Variants in PUDP observed in about 807,000 individuals in gnomAD.
PUDP encodes the protein pseudouridine 5'-phosphatase.
PUDP carries 8 observed loss-of-function variants against 9.4 expected under a neutral mutation model. The observed-to-expected ratio is 0.85, with a 90% CI of 0.50 to 1.53. The LOEUF (loss-of-function observed/expected upper bound fraction) is 1.53. Ranked by LOEUF, PUDP falls within the 40% of genes most tolerant of loss-of-function variation. The pLI, the probability that PUDP is intolerant of heterozygous loss-of-function variation, is 0.00. For synonymous variants in PUDP, 99 were observed against 80.7 expected (o/e 1.23, Z -1.22); for missense variants, 188 against 189.7 (o/e 0.99, Z 0.05).
intron 1 of PUDP, among the ~76,000 whole-genome samples, chrX:6,987,687 A>G (rs1015737160): frequency 4.1e-4 from 46 of 112,306 alleles, no homozygotes; most frequent in Admixed American, 2.9e-3. Flanking sequence ...CATTCATGAC[A>G]TACTGTCCAC....
intron 1 of PUDP, among the ~76,000 whole-genome samples, chrX:6,709,299 G>A (rs957014709): frequency 3.6e-5 from 4 of 111,442 alleles, no homozygotes; most frequent in African/African-American, 1.3e-4. Flanking sequence ...TGTGCCCTGT[G>A]CTCTGATCAC....
At chrX:6,970,636 G>C (rs953063406) in intron 3 of PUDP, among the ~76,000 whole-genome samples, 1 of 111,806 alleles carries the variant, frequency 8.9e-6, no homozygotes, top group African/African-American at 3.3e-5. Context: ...TTGCTCTCCA[G>C]GTGGCTCCAA....
chrX:6,791,804 C>T (rs1166656836), intron 3 of PUDP, among the ~76,000 whole-genome samples: 2 of 112,156 alleles, frequency 1.8e-5, no homozygotes, highest in Non-Finnish European at 3.8e-5. Context: ...TTTGTGGTAA[C>T]CCAAGACAGC....
chrX:6,755,129 T>C (rs925680830), intron 3 of PUDP, among the ~76,000 whole-genome samples: 2 of 111,406 alleles, frequency 1.8e-5, no homozygotes, highest in African/African-American at 6.5e-5. Context: ...GTTAGAGTGC[T>C]GTTGGCCATG....
At chrX:6,799,967 C>T (rs1170903423) in intron 3 of PUDP, among the ~76,000 whole-genome samples, 1 of 112,174 alleles carries the variant, frequency 8.9e-6, no homozygotes, top group South Asian at 3.7e-4. Flanking sequence ...TTGTTAGTTT[C>T]TCAGGAAAGA....
At chrX:7,023,100 C>T (rs1394100814) in intron 1 of PUDP, among the ~76,000 whole-genome samples, 3 of 111,936 alleles carry the variant, frequency 2.7e-5, no homozygotes, top group Non-Finnish European at 5.6e-5. Flanking sequence ...GGCTAGACTA[C>T]TCAGAAAGGT....
intron 3 of PUDP, among the ~76,000 whole-genome samples, chrX:6,830,132 C>A (rs1394118672): frequency 1.8e-5 from 2 of 109,512 alleles, no homozygotes; most frequent in African/African-American, 3.3e-5. Context: ...AGACACATAC[C>A]CGGTCTCTTG....
chrX:6,747,336 C>G (rs996633293), intron 3 of PUDP, among the ~76,000 whole-genome samples: 1 of 111,873 alleles, frequency 8.9e-6, no homozygotes, highest in Non-Finnish European at 1.9e-5. Context: ...AGGTACAATG[C>G]CATCCTATGA....
intron 1 of PUDP, among the ~76,000 whole-genome samples, chrX:6,994,283 T>G (rs1406597520): frequency 1.8e-5 from 2 of 111,011 alleles, no homozygotes; most frequent in Non-Finnish European, 3.8e-5. Context: ...CATAGTGGCA[T>G]GCATCTGTAG....
At chrX:6,965,984 A>G (rs1411846834) in intron 3 of PUDP, among the ~76,000 whole-genome samples, 1 of 111,002 alleles carries the variant, frequency 9.0e-6, no homozygotes, top group Non-Finnish European at 1.9e-5. Context: ...GAAGGAAATA[A>G]TTGAAACTGT....
intron 3 of PUDP, among the ~76,000 whole-genome samples, chrX:6,750,420 C>T (rs945902853): frequency 1.8e-5 from 2 of 110,279 alleles, no homozygotes; most frequent in Admixed American, 9.7e-5. Flanking sequence ...TGTGTGTGAG[C>T]GTGCATTACT....
chrX:7,057,794 G>A lies in PUDP; in HGVS notation c.511-7322C>T, dbSNP rs753145430. On this transcript the variant is annotated intron_variant, in intron 3 of 3. Transcript: ENST00000381077. ...CCCGGCAGCCCTGGCATTTCTGTGCGGTGAGCAGACGAGGTCTATGGATGG... is the reference window on the plus strand; with the variant it reads ...CCCGGCAGCCCTGGCATTTCTGTGCAGTGAGCAGACGAGGTCTATGGATGG... 77 of 1,151,282 alleles carry A rather than the reference G, an allele frequency of 6.7e-5. No individual in the cohort carries two copies. The Middle Eastern group carries it at 6.9e-4, about 10-fold the overall frequency. The allele number at this position is 1,151,282 out of a possible 1,213,427, so 94.9% of individuals were successfully genotyped here. A position where few individuals can be genotyped will look rare whatever the true frequency, so the allele number is the denominator to read the frequency against.
At chrX:7,133,276 C>T (rs995780167) in intron 1 of PUDP, among the ~76,000 whole-genome samples, 1 of 111,478 alleles carries the variant, frequency 9.0e-6, no homozygotes, top group Middle Eastern at 4.2e-3. Context: ...TGAGGCCCAG[C>T]CAGGGAGGTC....
chrX:6,838,592 T>C (rs188127947), intron 3 of PUDP, among the ~76,000 whole-genome samples: 5 of 112,315 alleles, frequency 4.5e-5, no homozygotes, highest in Admixed American at 1.9e-4. Context: ...GCATTCAAAA[T>C]ACTCAACAAC....
intron 3 of PUDP, among the ~76,000 whole-genome samples, chrX:6,779,700 C>T (rs775918486): frequency 5.0e-4 from 56 of 111,616 alleles, no homozygotes; most frequent in Non-Finnish European, 6.0e-4. Flanking sequence ...GAGGACCAAG[C>T]GGGTGGATCT....
At chrX:7,061,241 C>T (rs1453878861) in intron 3 of PUDP, among the ~76,000 whole-genome samples, 1 of 111,212 alleles carries the variant, frequency 9.0e-6, no homozygotes, top group East Asian at 2.8e-4. Context: ...TTCATGATCA[C>T]CCCCAAAAAA....
At chrX:6,863,797 A>G (rs1927039001) in intron 3 of PUDP, among the ~76,000 whole-genome samples, 1 of 111,991 alleles carries the variant, frequency 8.9e-6, no homozygotes, top group Non-Finnish European at 1.9e-5. Flanking sequence ...CAGTTACACT[A>G]GTCTGGGTTG....
At chrX:7,027,403 G>C (rs760832647) in intron 1 of PUDP, among the ~76,000 whole-genome samples, 22 of 109,944 alleles carry the variant, frequency 2.0e-4, no homozygotes, top group African/African-American at 7.0e-4. Context: ...TGATTTTTCT[G>C]AGCTTATCCT....
At chrX:6,907,427 G>A (rs767056574) in intron 3 of PUDP, among the ~76,000 whole-genome samples, 23 of 111,604 alleles carry the variant, frequency 2.1e-4, no homozygotes, top group Non-Finnish European at 7.5e-5. Flanking sequence ...TTTCCTTCAT[G>A]AGCCGCTCTC....
Sources: gnomAD v4.1 joint callset for allele counts (sites outside exome capture counted in the v4.1 genomes callset) on GRCh38, gnomAD v4.1.1 for gene constraint, MANE v1.5 for transcripts, NCBI Gene and HGNC (gene_info 2026-07-23, HGNC 2026-07-21) for gene names.